The following SNTG1 variants were observed in gnomAD, a reference collection of about 807,000 sequenced individuals.
The protein encoded by SNTG1 is gamma-1-syntrophin.
A neutral mutation model predicts 74.7 loss-of-function variants in SNTG1; 39 were observed. That is an observed-to-expected ratio of 0.52 (90% CI 0.40 to 0.68). The LOEUF is 0.68. SNTG1 is among the 30% of genes least tolerant of loss of function. SNTG1 has a pLI of 0.00. For synonymous variants in SNTG1, 254 were observed against 217.1 expected (o/e 1.17, Z -1.49); for missense variants, 685 against 609.5 (o/e 1.12, Z -1.30).
At chr8:50,606,280 G>A (rs1244322167) in intron 13 of SNTG1, among the ~76,000 whole-genome samples, 1 of 152,014 alleles carries the variant, frequency 6.6e-6, no homozygotes, top group East Asian at 1.9e-4. Flanking sequence ...TGAGTCTTGA[G>A]ATCCATGAAG....
intron 4 of SNTG1, among the ~76,000 whole-genome samples, chr8:50,403,404 C>A (rs969161775): frequency 2.0e-5 from 3 of 152,196 alleles, no homozygotes; most frequent in African/African-American, 7.2e-5. Flanking sequence ...TTAAATCATT[C>A]TGAATCATGG....
intron 2 of SNTG1, among the ~76,000 whole-genome samples, chr8:50,210,404 G>A (rs2084461697): frequency 6.6e-6 from 1 of 152,120 alleles, no homozygotes; most frequent in African/African-American, 2.4e-5. Flanking sequence ...CTCGAGAAGA[G>A]CAACTCCAAG....
chr8:50,660,415 AAAGAAAGAAAG>A (rs545992055), intron 15 of SNTG1, among the ~76,000 whole-genome samples: 294 of 12,814 alleles, frequency 0.023, 4 homozygotes, highest in African/African-American at 0.055. Flanking sequence ...GAAAGAAAAG[AAAGAAAGAAAG>A]AAGAAAGAAA....
intron 2 of SNTG1, among the ~76,000 whole-genome samples, chr8:50,187,887 C>T (rs2083439884): frequency 6.6e-6 from 1 of 152,164 alleles, no homozygotes; most frequent in Admixed American, 6.6e-5. Flanking sequence ...AGGCAGCTGG[C>T]TGATCACCCA....
rs1563832794 is a variant in SNTG1, at chr8:50,276,399, ATATATATAT to A, written c.-28+103765_-28+103773del. 2.4e-4 allele frequency among the ~76,000 whole-genome samples: 23 copies of A among 96,638 alleles called. 1 individual carries two copies. Among genetic ancestry groups the A allele is most frequent in the African/African-American group, 6.9e-4 (23 of 33,328 alleles). The allele number at this position is 96,638 out of a possible 152,430, so 63.4% of individuals were successfully genotyped here. A position where few individuals can be genotyped will look rare whatever the true frequency, so the allele number is the denominator to read the frequency against. On this transcript the variant is annotated intron_variant, in intron 2 of 18. Transcript: ENST00000642720. ...TATATATATATATATATATATATAT[ATATATATAT>A]AAATCATATATTAACTAACTAAACA... is the stretch of plus-strand genomic sequence containing the variant.
At chr8:50,541,673 CCTT>C (rs1452014790) in intron 11 of SNTG1, among the ~76,000 whole-genome samples, 2 of 151,956 alleles carry the variant, frequency 1.3e-5, no homozygotes, top group Non-Finnish European at 2.9e-5. Context: ...CTATTCAAAT[CCTT>C]CTTTTCCAGC....
chr8:50,174,673 A>T (rs2082930490), intron 2 of SNTG1, among the ~76,000 whole-genome samples: 1 of 152,144 alleles, frequency 6.6e-6, no homozygotes, highest in South Asian at 2.1e-4. Context: ...CTCATAGGGG[A>T]GTCCAACAGA....
intron 18 of SNTG1, among the ~76,000 whole-genome samples, chr8:50,768,796 G>A (rs901381124): frequency 6.6e-6 from 1 of 152,024 alleles, no homozygotes; most frequent in African/African-American, 2.4e-5. Context: ...TGTTTGGAGT[G>A]CTTCGTTCTG....
At chr8:50,029,661 T>C (rs1189223297) in intron 1 of SNTG1, among the ~76,000 whole-genome samples, 1 of 152,154 alleles carries the variant, frequency 6.6e-6, no homozygotes, top group Non-Finnish European at 1.5e-5. Context: ...TCCCTACATG[T>C]TGCAAATGAC....
chr8:50,546,003 G>A (rs1011062682), intron 11 of SNTG1, among the ~76,000 whole-genome samples: 3 of 152,096 alleles, frequency 2.0e-5, no homozygotes, highest in Admixed American at 2.0e-4. Context: ...TATTTTGGGG[G>A]ATCTGAGGAG....
rs199687164 is a variant in SNTG1, at chr8:50,734,770, CAT to C, written c.1285-17223_1285-17222del. On this transcript the variant is annotated intron_variant, in intron 17 of 18. Coordinates refer to ENST00000642720, the MANE Select transcript of SNTG1 (RefSeq NM_018967.5). ...GTATATAGATATCTATATATATGGA[CAT>C]ATATATAGATATCTATATATATGGA... 2.1e-3 allele frequency among the ~76,000 whole-genome samples: 207 copies of C among 97,238 alleles called. 11 individuals carry two copies. Among genetic ancestry groups the C allele is most frequent in the African/African-American group, 3.4e-3 (47 of 14,012 alleles). The allele number at this position is 97,238 out of a possible 152,430, so 63.8% of individuals were successfully genotyped here. A position where few individuals can be genotyped will look rare whatever the true frequency, so the allele number is the denominator to read the frequency against.
intron 17 of SNTG1, among the ~76,000 whole-genome samples, chr8:50,737,917 TAAG>T (rs1240968238): frequency 1.3e-5 from 2 of 152,030 alleles, no homozygotes; most frequent in African/African-American, 4.8e-5. Flanking sequence ...CTCAAAATAA[TAAG>T]AGCTATTTAT....
intron 15 of SNTG1, among the ~76,000 whole-genome samples, chr8:50,701,509 G>T (rs2095423410): frequency 6.6e-6 from 1 of 151,880 alleles, no homozygotes; most frequent in South Asian, 2.1e-4. Context: ...CTCGTTTTCA[G>T]CCACTGTTTA....
At chr8:50,423,726 A>T (rs915463503) in intron 4 of SNTG1, among the ~76,000 whole-genome samples, 1 of 152,208 alleles carries the variant, frequency 6.6e-6, no homozygotes, top group Non-Finnish European at 1.5e-5. Context: ...GAGAAAATCT[A>T]CAAAGAAAAT....
At chr8:50,032,257 C>T (rs191880951) in intron 1 of SNTG1, among the ~76,000 whole-genome samples, 1 of 151,738 alleles carries the variant, frequency 6.6e-6, no homozygotes, top group Non-Finnish European at 1.5e-5. Context: ...TGTTTTATTG[C>T]TTTTTTCTTT....
intron 1 of SNTG1, among the ~76,000 whole-genome samples, chr8:50,108,951 T>C (rs1458407661): frequency 1.3e-5 from 2 of 152,186 alleles, no homozygotes; most frequent in African/African-American, 2.4e-5. Flanking sequence ...TGTGTATGTA[T>C]ATAGTCTAGG....
At chr8:49,956,158 C>T (rs370521512) in intron 1 of SNTG1, among the ~76,000 whole-genome samples, 2 of 152,146 alleles carry the variant, frequency 1.3e-5, no homozygotes, top group East Asian at 3.8e-4. Flanking sequence ...TTTCATTTTG[C>T]AGAAAGATGT....
At chr8:50,759,449 G>A (rs1380052605) in intron 18 of SNTG1, among the ~76,000 whole-genome samples, 3 of 151,768 alleles carry the variant, frequency 2.0e-5, no homozygotes, top group Admixed American at 6.6e-5. Context: ...TTAGGTCTTT[G>A]TTTAAATCTT....
chr8:50,545,880 C>T (rs2094383793), intron 11 of SNTG1, among the ~76,000 whole-genome samples: 2 of 152,030 alleles, frequency 1.3e-5, no homozygotes, highest in Non-Finnish European at 1.5e-5. Flanking sequence ...CTTTTAACAA[C>T]ACAACAATCT....
Sources: gnomAD v4.1 joint callset for allele counts (sites outside exome capture counted in the v4.1 genomes callset) on GRCh38, gnomAD v4.1.1 for gene constraint, MANE v1.5 for transcripts, NCBI Gene and HGNC (gene_info 2026-07-23, HGNC 2026-07-21) for gene names.